KRAS: variants seen among roughly 807,000 people sequenced by gnomAD.
KRAS encodes GTPase KRas.
KRAS carries 1 observed loss-of-function variant against 21.0 expected under a neutral mutation model. The observed-to-expected ratio is 0.05, with a 90% CI of 0.02 to 0.23. KRAS has a LOEUF of 0.23. Ranked by LOEUF, KRAS falls within the 10% of genes least tolerant of loss-of-function variation. The pLI is 1.00. For missense variants in KRAS, 107 were observed against 221.8 expected, an observed-to-expected ratio of 0.48 and a Z score of 3.29; for synonymous variants, 67 against 72.5, an observed-to-expected ratio of 0.92 and a Z score of 0.39.
chr12:25,228,821 G>A (rs1315226125), intron 2 of KRAS, among the ~76,000 whole-genome samples: 1 of 152,208 alleles, frequency 6.6e-6, no homozygotes, highest in African/African-American at 2.4e-5. Flanking sequence ...AACACTTTGG[G>A]AGGCCGAGGT....
intron 2 of KRAS, chr12:25,233,806 G>C (rs780766615): frequency 1.5e-4 from 30 of 202,876 alleles, no homozygotes; most frequent in Non-Finnish European, 2.6e-4. Context: ...TCTTAAATAA[G>C]TGAATGAATC....
chr12:25,218,920 T>A (rs7979983), intron 4 of KRAS, among the ~76,000 whole-genome samples: 29,473 of 110,850 alleles, frequency 0.27, 2,960 homozygotes, highest in South Asian at 0.36. Context: ...GGGTTTTTTG[T>A]TTTTTTTTAA....
intron 1 of KRAS, among the ~76,000 whole-genome samples, chr12:25,247,639 C>T (rs1373775427): frequency 6.6e-6 from 1 of 152,180 alleles, no homozygotes; most frequent in Non-Finnish European, 1.5e-5. Flanking sequence ...TCTAGGAACC[C>T]CTCAGGTTAC....
intron 2 of KRAS, among the ~76,000 whole-genome samples, chr12:25,232,050 T>C (rs954020963): frequency 6.6e-6 from 1 of 152,076 alleles, no homozygotes; most frequent in Non-Finnish European, 1.5e-5. Flanking sequence ...TCCAGGTATA[T>C]GAAAAGTCAG....
At chr12:25,244,330 T>G (rs1442839187) in intron 2 of KRAS, among the ~76,000 whole-genome samples, 1 of 152,190 alleles carries the variant, frequency 6.6e-6, no homozygotes, top group African/African-American at 2.4e-5. Context: ...TAAGAAACAA[T>G]CTAACAATAT....
chr12:25,250,290 C>A (rs923741611), intron 1 of KRAS, among the ~76,000 whole-genome samples: 6 of 152,038 alleles, frequency 3.9e-5, no homozygotes, highest in African/African-American at 1.2e-4. Context: ...GCAGGGAAGG[C>A]TGGACCGAGG....
intron 4 of KRAS, among the ~76,000 whole-genome samples, chr12:25,218,921 T>TG (rs80177765): frequency 0.49 from 74,408 of 151,256 alleles, 19,267 homozygotes; most frequent in East Asian, 0.8. Flanking sequence ...GGTTTTTTGT[T>TG]TTTTTTTAAC....
intron 2 of KRAS, among the ~76,000 whole-genome samples, chr12:25,242,164 G>C (rs867417410): frequency 2.6e-5 from 4 of 152,072 alleles, no homozygotes; most frequent in South Asian, 2.1e-4. Flanking sequence ...CATCAAAGAG[G>C]GGCATAATAC....
At chr12:25,235,332 T>G in intron 2 of KRAS, 2 of 421,418 alleles carry the variant, frequency 4.7e-6, no homozygotes, top group Admixed American at 3.8e-5. Flanking sequence ...GTTCCGCACT[T>G]TCCGTTTATA....
intron 2 of KRAS, among the ~76,000 whole-genome samples, chr12:25,232,666 G>A (rs576620488): frequency 2.0e-5 from 3 of 152,048 alleles, no homozygotes; most frequent in Non-Finnish European, 4.4e-5. Context: ...AGGAAACTAC[G>A]ATAAAATAAA....
intron 2 of KRAS, among the ~76,000 whole-genome samples, chr12:25,235,635 G>T (rs1008176318): frequency 2.0e-5 from 3 of 152,140 alleles, no homozygotes; most frequent in Admixed American, 2.0e-4. Context: ...ACACAGGAGA[G>T]ATCAACTTTG....
In KRAS at chr12:25,205,413, C is replaced by T. The variant is rs1285222969; in HGVS notation, c.*4382G>A. The T allele has an allele frequency of 4.6e-6, 1 of 215,154 alleles. No individual in the cohort carries two copies. Among genetic ancestry groups the T allele is most frequent in the Non-Finnish European group, 9.4e-6 (1 of 106,418 alleles). 13.3% of individuals were successfully genotyped at this position (215,154 alleles called of 1,614,324 possible). A position where few individuals can be genotyped will look rare whatever the true frequency, so the allele number is the denominator to read the frequency against. ...TTAATGTTTGATATGACCAACATTCCTAGGTCAGCGCAACCAAATGATGGA... is the reference window on the plus strand; with the variant it reads ...TTAATGTTTGATATGACCAACATTCTTAGGTCAGCGCAACCAAATGATGGA... On this transcript the variant is annotated 3_prime_UTR_variant, in exon 5 of 5. Transcript: ENST00000311936.
intron 1 of KRAS, among the ~76,000 whole-genome samples, chr12:25,247,142 A>G (rs1290251987): frequency 6.6e-6 from 1 of 152,242 alleles, no homozygotes; most frequent in African/African-American, 2.4e-5. Context: ...ACACATAATT[A>G]TAAATAAGGA....
At chr12:25,211,741 AAG>A (rs914924410) in intron 4 of KRAS, among the ~76,000 whole-genome samples, 1 of 152,238 alleles carries the variant, frequency 6.6e-6, no homozygotes, top group Non-Finnish European at 1.5e-5. Context: ...CCAATATTTT[AAG>A]AGAGGTAAAC....
At chr12:25,229,469 T>C (rs796853502) in intron 2 of KRAS, among the ~76,000 whole-genome samples, 15 of 152,278 alleles carry the variant, frequency 9.9e-5, no homozygotes, top group African/African-American at 3.6e-4. Flanking sequence ...AGGGGCCTCT[T>C]TTTTCTTTTC....
intron 1 of KRAS, among the ~76,000 whole-genome samples, chr12:25,250,105 T>C (rs1440449649): frequency 6.6e-6 from 1 of 151,782 alleles, no homozygotes; most frequent in Non-Finnish European, 1.5e-5. Flanking sequence ...GCAGATGCAT[T>C]TTTTTCCAAA....
intron 4 of KRAS, among the ~76,000 whole-genome samples, chr12:25,223,896 A>C (rs972454759): frequency 6.6e-6 from 1 of 152,168 alleles, no homozygotes; most frequent in African/African-American, 2.4e-5. Flanking sequence ...AAAAAGCCCT[A>C]AACAAATTGA....
chr12:25,236,503 GTTAC>G (rs1266603585), intron 2 of KRAS, among the ~76,000 whole-genome samples: 2 of 151,814 alleles, frequency 1.3e-5, no homozygotes, highest in Non-Finnish European at 2.9e-5. Flanking sequence ...ATGTTACTGT[GTTAC>G]TTCAGTGTTT....
Position 25,209,193 on chromosome 12 carries a change from A to G in KRAS, c.*602T>C. ...TTTTTTTCCATTTTTTTCTTTTTATAGAAAAAATATAATATTTTGGGGAGA... is the reference window on the plus strand; with the variant it reads ...TTTTTTTCCATTTTTTTCTTTTTATGGAAAAAATATAATATTTTGGGGAGA... On this transcript the variant is annotated 3_prime_UTR_variant, in exon 5 of 5. Coordinates refer to ENST00000311936, the MANE Select transcript of KRAS (RefSeq NM_004985.5). 1 of 665,096 alleles carries G rather than the reference A, an allele frequency of 1.5e-6. No homozygotes were observed. Among genetic ancestry groups the G allele is most frequent in the Non-Finnish European group, 2.7e-6 (1 of 370,024 alleles). 41.2% of individuals were successfully genotyped at this position (665,096 alleles called of 1,614,324 possible).
Sources: allele counts gnomAD v4.1 joint callset (sites outside exome capture counted in the v4.1 genomes callset), GRCh38; gene constraint gnomAD v4.1.1; transcripts MANE v1.5; gene names NCBI Gene and HGNC (gene_info 2026-07-23, HGNC 2026-07-21).